Variants in RIMS2 observed in about 807,000 individuals in gnomAD.
RIMS2 encodes the protein regulating synaptic membrane exocytosis protein 2.
Under a neutral mutation model 174.4 loss-of-function variants are expected in RIMS2, and 59 were observed. That is an observed-to-expected ratio of 0.34 (90% confidence interval 0.27 to 0.42). The LOEUF is 0.42. Ranked by LOEUF, RIMS2 falls within the 10% of genes least tolerant of loss-of-function variation. The probability of loss-of-function intolerance (pLI) is 1.00; values close to 1 mark genes in which losing one functional copy is unlikely to be tolerated. For missense variants in RIMS2, 1,620 were observed against 1,666.3 expected (o/e 0.97, Z 0.48); for synonymous variants, 606 against 572.5 (o/e 1.06, Z -0.84).
At chr8:103,875,844 G>A (rs2099133864) in intron 3 of RIMS2, among the ~76,000 whole-genome samples, 1 of 151,828 alleles carries the variant, frequency 6.6e-6, no homozygotes, top group Admixed American at 6.6e-5. Flanking sequence ...ATTTTAATTT[G>A]CATTTTTCTT....
chr8:103,638,680 G>A (rs868700673), intron 1 of RIMS2, among the ~76,000 whole-genome samples: 18 of 151,904 alleles, frequency 1.2e-4, no homozygotes, highest in Middle Eastern at 3.4e-3. Context: ...GATAATCTAG[G>A]TTAACTTTGT....
chr8:104,171,723 A>C (rs967567297), intron 19 of RIMS2, among the ~76,000 whole-genome samples: 1 of 152,116 alleles, frequency 6.6e-6, no homozygotes, highest in Non-Finnish European at 1.5e-5. Context: ...CTGTTTTCTC[A>C]TATTACCAGA....
At chr8:103,518,172 A>G (rs752434435) in intron 1 of RIMS2, among the ~76,000 whole-genome samples, 1 of 152,146 alleles carries the variant, frequency 6.6e-6, no homozygotes, top group Non-Finnish European at 1.5e-5. Context: ...TAAATATCCA[A>G]CCATGGCTCT....
chr8:103,890,231 G>A (rs2099235300), intron 4 of RIMS2, among the ~76,000 whole-genome samples: 1 of 151,940 alleles, frequency 6.6e-6, no homozygotes, highest in Non-Finnish European at 1.5e-5. Flanking sequence ...TCCAAGATCT[G>A]TCCTAAACTG....
At position 104,241,662 on chromosome 8, in the gene RIMS2, A is replaced by G. The variant is rs2099297147; in HGVS notation, c.3335-3254A>G. ...TGTCTCACCTGATGGGAATTTTTTC[A>G]CAAGAGCGCTGTTCACAGGAAGTGA... is the stretch of plus-strand genomic sequence containing the variant. On this transcript the variant is annotated intron_variant, in intron 19 of 23. Transcript: ENST00000504942. Among the ~76,000 whole-genome samples, 3 of 152,164 alleles carry G rather than the reference A, an allele frequency of 2.0e-5. No homozygotes were observed. In the South Asian group the frequency reaches 6.2e-4, roughly 32 times the overall value.
intron 1 of RIMS2, chr8:103,559,397 A>G: frequency 2.8e-6 from 1 of 351,050 alleles, no homozygotes; most frequent in Non-Finnish European, 5.4e-6. Flanking sequence ...TTCACGGTGG[A>G]GCATGCCAGT....
intron 2 of RIMS2, among the ~76,000 whole-genome samples, chr8:103,738,063 G>C (rs2097709741): frequency 6.6e-6 from 1 of 152,108 alleles, no homozygotes; most frequent in Admixed American, 6.6e-5. Context: ...AAGTAGCATA[G>C]GGCTTGGTAC....
intron 17 of RIMS2, among the ~76,000 whole-genome samples, chr8:103,989,691 T>A (rs1393412076): frequency 6.6e-6 from 1 of 152,206 alleles, no homozygotes; most frequent in African/African-American, 2.4e-5. Flanking sequence ...TTAGTGAATC[T>A]GTATAAGTGA....
Position 104,163,234 on chromosome 8 carries a change from G to A in RIMS2, c.3335-81682G>A, listed in dbSNP as rs118140633. On this transcript the variant is annotated intron_variant, in intron 19 of 23. Coordinates refer to ENST00000504942, the Ensembl canonical transcript of RIMS2. ...AATTCTTCTAATATTATTCTAGGAT[G>A]AAGTATTTTTTTAACTGACACTCTA... Among the ~76,000 whole-genome samples the A allele has an allele frequency of 3.7e-4, 57 of 152,200 alleles. No homozygotes were observed. The East Asian group carries it at 0.01, about 28-fold the overall frequency.
At chr8:103,765,780 TATC>T (rs953900912) in intron 2 of RIMS2, among the ~76,000 whole-genome samples, 54 of 152,240 alleles carry the variant, frequency 3.5e-4, no homozygotes, top group African/African-American at 1.3e-3. Context: ...ACAGGGAAAT[TATC>T]ATCTTTATTT....
chr8:103,937,221 T>A (rs2081477576), intron 13 of RIMS2, among the ~76,000 whole-genome samples: 1 of 152,222 alleles, frequency 6.6e-6, no homozygotes. Context: ...AGGACAAAAG[T>A]TGATACTATA....
At chr8:104,030,413 A>T (rs2096364716) in intron 19 of RIMS2, among the ~76,000 whole-genome samples, 1 of 152,196 alleles carries the variant, frequency 6.6e-6, no homozygotes, top group Non-Finnish European at 1.5e-5. Context: ...AAAGAAAGAC[A>T]AGTTATAAGA....
At chr8:104,177,436 T>TG (rs78845869) in intron 19 of RIMS2, among the ~76,000 whole-genome samples, 201 of 152,300 alleles carry the variant, frequency 1.3e-3, no homozygotes, top group African/African-American at 4.4e-3. Flanking sequence ...TGAACTGAGC[T>TG]GACTGCTTGT....
At chr8:103,577,573 T>G (rs1427171960) in intron 1 of RIMS2, among the ~76,000 whole-genome samples, 3 of 152,176 alleles carry the variant, frequency 2.0e-5, no homozygotes, top group African/African-American at 7.2e-5. Flanking sequence ...AACAAACCTG[T>G]ACATTCTGTA....
chr8:103,579,408 C>G (rs145001163), intron 1 of RIMS2, among the ~76,000 whole-genome samples: 1 of 152,142 alleles, frequency 6.6e-6, no homozygotes, highest in African/African-American at 2.4e-5. Context: ...AGTACAAGGA[C>G]AAACCCAGAA....
At chr8:103,931,237 G>C (rs572246545) in intron 11 of RIMS2, 26 bp from the exon 14 acceptor site, 1 of 1,546,322 alleles carries the variant, frequency 6.5e-7, no homozygotes, top group South Asian at 1.2e-5. Flanking sequence ...TGTTTGAATT[G>C]ATAAATGAAT....
chr8:103,900,329 T>TTC (rs2099321469), intron 4 of RIMS2, among the ~76,000 whole-genome samples: 1 of 151,686 alleles, frequency 6.6e-6, no homozygotes, highest in Non-Finnish European at 1.5e-5. Flanking sequence ...GTTCAAGCGA[T>TTC]TCTCCTGCCT....
intron 19 of RIMS2, among the ~76,000 whole-genome samples, chr8:104,242,378 C>T (rs1456091955): frequency 1.3e-5 from 2 of 152,134 alleles, no homozygotes; most frequent in African/African-American, 4.8e-5. Flanking sequence ...ATTTTCTAAT[C>T]TCATCTAATG....
At chr8:103,514,686 C>A (rs1338106624) in intron 1 of RIMS2, among the ~76,000 whole-genome samples, 1 of 152,028 alleles carries the variant, frequency 6.6e-6, no homozygotes, top group African/African-American at 2.4e-5. Flanking sequence ...ATTATCTTTT[C>A]AAATTCCTGT....
Sources: gnomAD v4.1 joint callset for allele counts (sites outside exome capture counted in the v4.1 genomes callset) on GRCh38, gnomAD v4.1.1 for gene constraint, MANE v1.5 for transcripts, NCBI Gene and HGNC (gene_info 2026-07-23, HGNC 2026-07-21) for gene names.